Variants in ELMO1 observed in about 807,000 individuals in gnomAD.
ELMO1 encodes engulfment and cell motility protein 1.
Under a neutral mutation model 98.9 loss-of-function variants are expected in ELMO1, and 26 were observed. The observed-to-expected ratio is 0.26, with a 90% confidence interval of 0.19 to 0.36. ELMO1 has a LOEUF of 0.36. ELMO1 is among the 10% of genes least tolerant of loss of function. The pLI is 1.00. For missense variants in ELMO1, 627 were observed against 935.2 expected, an observed-to-expected ratio of 0.67 and a Z score of 4.30; for synonymous variants, 346 against 346.0, an observed-to-expected ratio of 1.00 and a Z score of 0.00.
chr7:37,329,009 G>A (rs530346701), intron 2 of ELMO1, among the ~76,000 whole-genome samples: 2 of 152,296 alleles, frequency 1.3e-5, no homozygotes, highest in East Asian at 3.9e-4. Context: ...TGCCAATGCA[G>A]TCCGGAGTGA....
intron 1 of ELMO1, among the ~76,000 whole-genome samples, chr7:37,357,404 C>T (rs1583619787): frequency 1.3e-5 from 2 of 152,194 alleles, no homozygotes; most frequent in Admixed American, 6.5e-5. Flanking sequence ...GCTTTGCTGG[C>T]GAGACCTCAG....
chr7:37,441,110 A>G (rs1330417753), intron 1 of ELMO1, among the ~76,000 whole-genome samples: 1 of 151,940 alleles, frequency 6.6e-6, no homozygotes, highest in Non-Finnish European at 1.5e-5. Flanking sequence ...CCACAGCACA[A>G]AACTCTGGCG....
chr7:37,370,024 A>T (rs1340318658), intron 1 of ELMO1, among the ~76,000 whole-genome samples: 1 of 152,146 alleles, frequency 6.6e-6, no homozygotes, highest in Non-Finnish European at 1.5e-5. Flanking sequence ...CTTCCCTAGG[A>T]ATCTCATTAA....
At chr7:36,863,129 G>C (rs138917246) in intron 20 of ELMO1, among the ~76,000 whole-genome samples, 1 of 152,104 alleles carries the variant, frequency 6.6e-6, no homozygotes, top group Non-Finnish European at 1.5e-5. Context: ...ATCTACCAGC[G>C]TCTCACACTC....
chr7:37,391,181 A>C (rs1023341382), intron 1 of ELMO1, among the ~76,000 whole-genome samples: 1 of 151,386 alleles, frequency 6.6e-6, no homozygotes, highest in Admixed American at 6.6e-5. Flanking sequence ...TGGTGGCTCG[A>C]TCTCAGCTCA....
At chr7:37,096,533 G>T in intron 15 of ELMO1, 86 bp downstream of exon 15, 1 of 1,132,354 alleles carries the variant, frequency 8.8e-7, no homozygotes, top group Non-Finnish European at 1.3e-6. Context: ...TCGGCATCTT[G>T]GGATTTCTTC....
intron 15 of ELMO1, among the ~76,000 whole-genome samples, chr7:37,047,422 A>T (rs1584562083): frequency 1.3e-5 from 2 of 152,230 alleles, no homozygotes; most frequent in African/African-American, 2.4e-5. Flanking sequence ...CCTTGGCCCC[A>T]GTTAAGGCTG....
intron 16 of ELMO1, among the ~76,000 whole-genome samples, chr7:36,945,827 TTTC>T (rs1787434535): frequency 6.6e-6 from 1 of 152,192 alleles, no homozygotes; most frequent in Admixed American, 6.5e-5. Flanking sequence ...TCCATCCAAT[TTTC>T]TTTTCAACTG....
intron 1 of ELMO1, among the ~76,000 whole-genome samples, chr7:37,346,913 G>A (rs981126440): frequency 2.0e-5 from 3 of 152,154 alleles, no homozygotes; most frequent in Non-Finnish European, 4.4e-5. Flanking sequence ...TGTTGAACAG[G>A]TGAGAATACA....
At chr7:37,161,773 G>A (rs1336774674) in intron 13 of ELMO1, among the ~76,000 whole-genome samples, 6 of 150,244 alleles carry the variant, frequency 4.0e-5, no homozygotes, top group Non-Finnish European at 8.9e-5. Context: ...TAAGAAAATG[G>A]CTAGGTACAC....
At chr7:36,867,596 C>T (rs1039967209) in intron 20 of ELMO1, among the ~76,000 whole-genome samples, 3 of 152,058 alleles carry the variant, frequency 2.0e-5, no homozygotes, top group African/African-American at 2.4e-5. Context: ...GAGGTGGAAG[C>T]TTTATTGATT....
chr7:36,868,332 T>G (rs1053102163), intron 20 of ELMO1, among the ~76,000 whole-genome samples: 4 of 106,370 alleles, frequency 3.8e-5, no homozygotes, highest in Admixed American at 1.0e-4. Flanking sequence ...TTCTGCTTCT[T>G]CTTCTTCTTC....
intron 15 of ELMO1, among the ~76,000 whole-genome samples, chr7:37,068,013 A>G (rs1033800247): frequency 6.6e-6 from 1 of 152,202 alleles, no homozygotes; most frequent in Non-Finnish European, 1.5e-5. Context: ...TGAACATTAG[A>G]GACCAAATAC....
At chr7:37,111,801 G>C (rs528538416) in intron 14 of ELMO1, among the ~76,000 whole-genome samples, 1 of 152,294 alleles carries the variant, frequency 6.6e-6, no homozygotes, top group East Asian at 1.9e-4. Context: ...ATGCAGAGTA[G>C]AGCCCCAAGC....
At chr7:37,275,133 C>T (rs544724839) in intron 4 of ELMO1, among the ~76,000 whole-genome samples, 17 of 152,176 alleles carry the variant, frequency 1.1e-4, no homozygotes, top group Non-Finnish European at 2.1e-4. Context: ...AAGGTAAGAG[C>T]CAGGCCTTGC....
At chr7:36,991,734 G>A (rs1791891321) in intron 16 of ELMO1, among the ~76,000 whole-genome samples, 1 of 152,188 alleles carries the variant, frequency 6.6e-6, no homozygotes, top group African/African-American at 2.4e-5. Flanking sequence ...TTTGATCCCA[G>A]GATGCTGAGC....
intron 13 of ELMO1, among the ~76,000 whole-genome samples, chr7:37,170,565 CTTCTTTGT>C (rs1386977303): frequency 1.2e-5 from 1 of 86,238 alleles, no homozygotes; most frequent in Non-Finnish European, 3.3e-5. Context: ...CTTTTATTTC[CTTCTTTGT>C]TTTTCTTTTT....
At chr7:36,912,338 C>G (rs891633297) in intron 16 of ELMO1, among the ~76,000 whole-genome samples, 1 of 152,170 alleles carries the variant, frequency 6.6e-6, no homozygotes, top group Non-Finnish European at 1.5e-5. Context: ...GGTGCTGCCA[C>G]GCCCAACTCT....
At chr7:37,010,996 C>G (rs1330232815) in intron 16 of ELMO1, among the ~76,000 whole-genome samples, 1 of 152,218 alleles carries the variant, frequency 6.6e-6, no homozygotes, top group Non-Finnish European at 1.5e-5. Context: ...GAGGCAGGAA[C>G]CTCTGGCCCT....
Sources: gnomAD v4.1 joint callset for allele counts (sites outside exome capture counted in the v4.1 genomes callset) on GRCh38, gnomAD v4.1.1 for gene constraint, MANE v1.5 for transcripts, NCBI Gene and HGNC (gene_info 2026-07-23, HGNC 2026-07-21) for gene names.